Variants in CYYR1 observed in about 807,000 individuals in gnomAD.
The protein encoded by CYYR1 is cysteine and tyrosine-rich protein 1.
Under a neutral mutation model 15.2 loss-of-function variants are expected in CYYR1, and 14 were observed. That is an observed-to-expected ratio of 0.92 (90% CI 0.61 to 1.44). The LOEUF (loss-of-function observed/expected upper bound fraction) is 1.44. CYYR1 is among the 40% of genes most tolerant of loss of function. The probability of loss-of-function intolerance (pLI) is 0.00; values close to 1 mark genes in which losing one functional copy is unlikely to be tolerated. For synonymous variants in CYYR1, 80 were observed against 77.4 expected (o/e 1.03, Z -0.18); for missense variants, 228 against 209.5 (o/e 1.09, Z -0.54).
chr21:26,487,422 C>A (rs545256879), intron 2 of CYYR1, among the ~76,000 whole-genome samples: 1 of 152,078 alleles, frequency 6.6e-6, no homozygotes, highest in Admixed American at 6.6e-5. Flanking sequence ...CCTACTACAG[C>A]GCTGAAAGTC....
intron 2 of CYYR1, among the ~76,000 whole-genome samples, chr21:26,494,741 T>A (rs971317604): frequency 9.9e-5 from 15 of 152,152 alleles, no homozygotes; most frequent in Non-Finnish European, 1.5e-4. Context: ...TTACTATTTG[T>A]CAATTTTAAA....
chr21:26,528,152 T>C (rs982832308), intron 2 of CYYR1, among the ~76,000 whole-genome samples: 9 of 152,240 alleles, frequency 5.9e-5, no homozygotes, highest in African/African-American at 1.7e-4. Context: ...ACATCATTTT[T>C]GTTAATAGCT....
At chr21:26,491,771 A>G (rs1250367216) in intron 2 of CYYR1, among the ~76,000 whole-genome samples, 1 of 152,072 alleles carries the variant, frequency 6.6e-6, no homozygotes, top group African/African-American at 2.4e-5. Flanking sequence ...CTGTGGCTCT[A>G]CTGATTGCTT....
At chr21:26,476,585 CATCT>C (rs11450529) in intron 3 of CYYR1, among the ~76,000 whole-genome samples, 19,008 of 143,692 alleles carry the variant, frequency 0.13, 1,349 homozygotes, top group Admixed American at 0.16. Flanking sequence ...CCCTATCTAT[CATCT>C]ATCTATCTAT....
chr21:26,467,862 G>C lies in CYYR1; in HGVS notation c.*639C>G, dbSNP rs2064987528. On this transcript the variant is annotated 3_prime_UTR_variant, in exon 4 of 4. Coordinates refer to ENST00000652641, the MANE Select transcript of CYYR1 (RefSeq NM_001320768.2). ...CTAAAATACGAGCAGAACTTCTGAG[G>C]CCCAATGAACCCATCTACTATTTGA... 6.5e-6 allele frequency: 1 copy of C among 153,970 alleles called. No individual in the cohort carries two copies. The highest frequency in any genetic ancestry group is 2.4e-5 in the African/African-American group (1 of 41,386). 9.5% of individuals were successfully genotyped at this position (153,970 alleles called of 1,614,324 possible). A position where few individuals can be genotyped will look rare whatever the true frequency, so the allele number is the denominator to read the frequency against.
At chr21:26,526,027 G>A (rs1018872582) in intron 2 of CYYR1, among the ~76,000 whole-genome samples, 4 of 152,106 alleles carry the variant, frequency 2.6e-5, no homozygotes, top group African/African-American at 9.7e-5. Flanking sequence ...AGGGTGGAGG[G>A]TGTGGGAGAG....
intron 2 of CYYR1, among the ~76,000 whole-genome samples, chr21:26,504,428 G>T (rs1019867419): frequency 3.3e-5 from 5 of 151,816 alleles, no homozygotes; most frequent in Non-Finnish European, 7.4e-5. Context: ...GTACCACCAC[G>T]CCTGGCTAAT....
intron 2 of CYYR1, among the ~76,000 whole-genome samples, chr21:26,549,235 C>T: frequency 6.6e-6 from 1 of 152,048 alleles, no homozygotes; most frequent in East Asian, 1.9e-4. Flanking sequence ...ACCCAGAAAA[C>T]AATAAATTTT....
intron 3 of CYYR1, among the ~76,000 whole-genome samples, chr21:26,472,994 G>A (rs2830241): frequency 0.43 from 65,438 of 151,794 alleles, 15,326 homozygotes; most frequent in African/African-American, 0.61. Flanking sequence ...TGGTTAGGCC[G>A]AATTATCTAA....
chr21:26,505,836 C>T (rs558543300), intron 2 of CYYR1, among the ~76,000 whole-genome samples: 58 of 152,176 alleles, frequency 3.8e-4, no homozygotes, highest in African/African-American at 7.9e-4. Flanking sequence ...TTTTCGTAAG[C>T]GCGAGAGAAG....
chr21:26,503,649 A>G (rs1393573670), intron 2 of CYYR1: 2 of 152,170 alleles, frequency 1.3e-5, no homozygotes, highest in East Asian at 1.9e-4. Context: ...GTGGCCTCTT[A>G]AAGATTTAAG....
At chr21:26,565,870 T>G (rs895847814) in intron 2 of CYYR1, among the ~76,000 whole-genome samples, 1 of 152,158 alleles carries the variant, frequency 6.6e-6, no homozygotes, top group East Asian at 1.9e-4. Flanking sequence ...ATTAAATTAA[T>G]ACATGATGAC....
intron 1 of CYYR1, among the ~76,000 whole-genome samples, chr21:26,570,115 A>G (rs1327402936): frequency 6.6e-6 from 1 of 152,230 alleles, no homozygotes; most frequent in Non-Finnish European, 1.5e-5. Context: ...AATTTGACAA[A>G]GATCAGTGTT....
intron 2 of CYYR1, among the ~76,000 whole-genome samples, chr21:26,491,991 C>A (rs951745741): frequency 6.6e-6 from 1 of 152,182 alleles, no homozygotes; most frequent in East Asian, 1.9e-4. Context: ...TGCCCAGACT[C>A]AACAGCTCCT....
At chr21:26,534,592 A>G (rs116536673) in intron 2 of CYYR1, among the ~76,000 whole-genome samples, 2,989 of 152,244 alleles carry the variant, frequency 0.02, 116 homozygotes, top group African/African-American at 0.068. Context: ...CGCTCTCAGT[A>G]TCGTTGCCAC....
chr21:26,519,982 A>C (rs2065780729), intron 2 of CYYR1, among the ~76,000 whole-genome samples: 1 of 151,894 alleles, frequency 6.6e-6, no homozygotes, highest in Admixed American at 6.6e-5. Context: ...AATCAACCCA[A>C]ATGTCCATCA....
At chr21:26,521,383 A>C (rs2065802617) in intron 2 of CYYR1, among the ~76,000 whole-genome samples, 2 of 152,212 alleles carry the variant, frequency 1.3e-5, no homozygotes, top group Non-Finnish European at 2.9e-5. Context: ...TGGTTAAATC[A>C]AATAGCACTG....
chr21:26,532,096 CAA>C (rs1013007374), intron 2 of CYYR1, among the ~76,000 whole-genome samples: 1 of 152,002 alleles, frequency 6.6e-6, no homozygotes, highest in Non-Finnish European at 1.5e-5. Flanking sequence ...CTTACATATG[CAA>C]AAAATATATC....
At chr21:26,564,519 G>T in intron 2 of CYYR1, 1 of 281,350 alleles carries the variant, frequency 3.6e-6, no homozygotes, top group Non-Finnish European at 5.4e-6. Flanking sequence ...CACTTAACCA[G>T]CGGTGAGATT....
Sources: allele counts gnomAD v4.1 joint callset (sites outside exome capture counted in the v4.1 genomes callset), GRCh38; gene constraint gnomAD v4.1.1; transcripts MANE v1.5; gene names NCBI Gene and HGNC (gene_info 2026-07-23, HGNC 2026-07-21).